Variants in ABTB2 observed in about 807,000 individuals in gnomAD.
The protein encoded by ABTB2 is ankyrin repeat and BTB domain containing 2.
In ABTB2, 56 loss-of-function variants were observed where a neutral mutation model predicts 104.1. That is an observed-to-expected ratio of 0.54 (90% CI 0.43 to 0.67). The LOEUF (loss-of-function observed/expected upper bound fraction) is 0.67, where lower values mean the gene tolerates loss of function less well. Among genes scored for constraint, ABTB2 ranks in the 30% least tolerant of loss-of-function variants. The pLI is 0.00. For missense variants in ABTB2, 1,279 were observed against 1,407.7 expected (o/e 0.91, Z 1.46); for synonymous variants, 606 against 608.2 (o/e 1.00, Z 0.05).
chr11:34,218,426 A>G (rs1853573193), intron 1 of ABTB2, among the ~76,000 whole-genome samples: 1 of 152,078 alleles, frequency 6.6e-6, no homozygotes, highest in African/African-American at 2.4e-5. Flanking sequence ...GGAGTTTTAT[A>G]GTTTTGTGTT....
Position 34,171,139 on chromosome 11 carries a change from C to G in ABTB2, c.1398-68G>C. 2.6e-6 allele frequency: 4 copies of G among 1,537,482 alleles called. No homozygotes were observed. In the South Asian group the frequency reaches 4.9e-5, roughly 19 times the overall value. On this transcript the variant is annotated intron_variant, in intron 4 of 16. Coordinates refer to ENST00000435224, the MANE Select transcript of ABTB2 (RefSeq NM_145804.3). ...CAGCAACTTTCAATGATGTGACACACATGTGTGAGCTTTACGTGTAGAGTG... is the reference window on the plus strand; with the variant it reads ...CAGCAACTTTCAATGATGTGACACAGATGTGTGAGCTTTACGTGTAGAGTG...
At chr11:34,239,254 G>A (rs1419545102) in intron 1 of ABTB2, among the ~76,000 whole-genome samples, 1 of 152,180 alleles carries the variant, frequency 6.6e-6, no homozygotes, top group Non-Finnish European at 1.5e-5. Flanking sequence ...CTGGGTTTGT[G>A]CGCCCACCTC....
intron 1 of ABTB2, among the ~76,000 whole-genome samples, chr11:34,224,765 A>G (rs2133052754): frequency 6.6e-6 from 1 of 152,336 alleles, no homozygotes; most frequent in South Asian, 2.1e-4. Context: ...TGGGCATACA[A>G]AAGACAGAAG....
intron 1 of ABTB2, among the ~76,000 whole-genome samples, chr11:34,274,295 C>T (rs1854356878): frequency 6.7e-6 from 1 of 149,016 alleles, no homozygotes; most frequent in Non-Finnish European, 1.5e-5. Flanking sequence ...CCCTTTCTTA[C>T]AATAAGTAAA....
intron 10 of ABTB2, among the ~76,000 whole-genome samples, chr11:34,161,806 C>T (rs1316955419): frequency 6.6e-6 from 1 of 152,170 alleles, no homozygotes; most frequent in Non-Finnish European, 1.5e-5. Context: ...TGACGGCATT[C>T]CCCAGCGACA....
At chr11:34,333,816 GT>G (rs545922007) in intron 1 of ABTB2, among the ~76,000 whole-genome samples, 71 of 152,182 alleles carry the variant, frequency 4.7e-4, no homozygotes, top group African/African-American at 1.7e-3. Context: ...AAATCACACA[GT>G]GAAGATCCCA....
intron 1 of ABTB2, among the ~76,000 whole-genome samples, chr11:34,209,153 C>T (rs546801583): frequency 6.6e-6 from 1 of 152,206 alleles, no homozygotes; most frequent in East Asian, 1.9e-4. Flanking sequence ...TGAGACCTGC[C>T]TGGCCACCGT....
At chr11:34,308,879 A>AAAAAAG (rs1854812620) in intron 1 of ABTB2, among the ~76,000 whole-genome samples, 1 of 151,082 alleles carries the variant, frequency 6.6e-6, no homozygotes, top group South Asian at 2.1e-4. Flanking sequence ...AAAAAAAAAA[A>AAAAAAG]AAAAAAAAGA....
intron 1 of ABTB2, among the ~76,000 whole-genome samples, chr11:34,343,792 C>T (rs1366445158): frequency 1.3e-5 from 2 of 152,044 alleles, no homozygotes; most frequent in Non-Finnish European, 2.9e-5. Flanking sequence ...TATTTTTAAG[C>T]TATCCAGATA....
At chr11:34,245,557 C>G (rs1000188815) in intron 1 of ABTB2, among the ~76,000 whole-genome samples, 2 of 152,158 alleles carry the variant, frequency 1.3e-5, no homozygotes, top group Non-Finnish European at 2.9e-5. Flanking sequence ...AGCAATTGAT[C>G]TCTAGTTGTG....
At chr11:34,156,067 C>T (rs1163476220) in intron 14 of ABTB2, among the ~76,000 whole-genome samples, 1 of 152,086 alleles carries the variant, frequency 6.6e-6, no homozygotes, top group Non-Finnish European at 1.5e-5. Flanking sequence ...CAGGGCAGCC[C>T]CTAGGGCCAG....
At chr11:34,168,661 C>G (rs923950066) in intron 5 of ABTB2, among the ~76,000 whole-genome samples, 6 of 152,214 alleles carry the variant, frequency 3.9e-5, no homozygotes, top group Non-Finnish European at 7.3e-5. Context: ...GGGCAGGAAC[C>G]AGGCCTCCAT....
At chr11:34,212,048 T>C (rs1347396149) in intron 1 of ABTB2, among the ~76,000 whole-genome samples, 3 of 152,106 alleles carry the variant, frequency 2.0e-5, no homozygotes, top group South Asian at 2.1e-4. Context: ...AAGGGGAAGT[T>C]TGAGAAGCAG....
chr11:34,291,582 G>A (rs1854565759), intron 1 of ABTB2, among the ~76,000 whole-genome samples: 1 of 152,142 alleles, frequency 6.6e-6, no homozygotes, highest in Admixed American at 6.5e-5. Flanking sequence ...TGCAACTTCT[G>A]CCTCCCGGGT....
At chr11:34,298,679 C>T (rs1399432400) in intron 1 of ABTB2, among the ~76,000 whole-genome samples, 1 of 152,092 alleles carries the variant, frequency 6.6e-6, no homozygotes, top group Non-Finnish European at 1.5e-5. Flanking sequence ...CCAGGCTGGT[C>T]TCAAACTCCC....
intron 1 of ABTB2, among the ~76,000 whole-genome samples, chr11:34,211,902 CAAAA>C (rs1231324201): frequency 1.7e-5 from 1 of 58,034 alleles, no homozygotes; most frequent in African/African-American, 6.2e-5. Flanking sequence ...GACCCTGTCT[CAAAA>C]AAAAAAAAAA....
At chr11:34,298,696 G>A (rs528360920) in intron 1 of ABTB2, among the ~76,000 whole-genome samples, 3 of 152,114 alleles carry the variant, frequency 2.0e-5, no homozygotes, top group East Asian at 1.9e-4. Context: ...TCCCGGCCTC[G>A]AGTGATCTGC....
chr11:34,180,270 CTG>C (rs769327850), intron 3 of ABTB2, among the ~76,000 whole-genome samples: 2 of 152,230 alleles, frequency 1.3e-5, no homozygotes, highest in Non-Finnish European at 2.9e-5. Flanking sequence ...GAGCTGGAAA[CTG>C]TTTCTGGCAG....
chr11:34,225,335 C>T (rs760311093), intron 1 of ABTB2, among the ~76,000 whole-genome samples: 1 of 152,192 alleles, frequency 6.6e-6, no homozygotes, highest in Non-Finnish European at 1.5e-5. Flanking sequence ...AACTGTCATG[C>T]TGCAAGACCC....
Sources: allele counts gnomAD v4.1 joint callset (sites outside exome capture counted in the v4.1 genomes callset), GRCh38; gene constraint gnomAD v4.1.1; transcripts MANE v1.5; gene names NCBI Gene and HGNC (gene_info 2026-07-23, HGNC 2026-07-21).